Variants in CD81 observed in about 807,000 individuals in gnomAD.
The protein encoded by CD81 is CD81 molecule, also known as CD81 antigen.
Under a neutral mutation model 30.1 loss-of-function variants are expected in CD81, and 10 were observed. The observed-to-expected ratio is 0.33, with a 90% CI of 0.21 to 0.56. The LOEUF (loss-of-function observed/expected upper bound fraction) is 0.56, where lower values mean the gene tolerates loss of function less well. CD81 is among the 20% of genes least tolerant of loss of function. The pLI is 0.89. For synonymous variants in CD81, 147 were observed against 126.4 expected (o/e 1.16, Z -1.10); for missense variants, 263 against 308.7 (o/e 0.85, Z 1.11).
rs1314185286 is a variant in CD81, at chr11:2,378,611, G to A, written c.66+996G>A. 1.3e-5 allele frequency among the ~76,000 whole-genome samples: 2 copies of A among 152,202 alleles called. No homozygotes were observed. ...TTCCTGTCGGTGTTAGAATTGGGGA[G>A]GGGGTGGAAATCCCTTCTTGGCCTG... On this transcript the variant is annotated intron_variant, in intron 1 of 7. Coordinates refer to ENST00000263645, the MANE Select transcript of CD81 (RefSeq NM_004356.4). This position sits in a 1 kb window ranked among gnomAD's most constrained non-coding sequence, Gnocchi z 4.9.
chr11:2,393,736 C>T (rs1440534614), intron 2 of CD81: 23 of 601,496 alleles, frequency 3.8e-5, no homozygotes, highest in Admixed American at 3.1e-4. Flanking sequence ...CGGGTGAAGG[C>T]GGTGGGTGGC....
intron 1 of CD81, chr11:2,386,024 C>G: frequency 1.4e-6 from 1 of 716,674 alleles, no homozygotes; most frequent in East Asian, 2.7e-5. Flanking sequence ...CGTTTTACAG[C>G]CCCCGTTGTA....
intron 1 of CD81, among the ~76,000 whole-genome samples, chr11:2,381,010 C>T (rs1026693415): frequency 6.6e-6 from 1 of 152,240 alleles, no homozygotes; most frequent in Non-Finnish European, 1.5e-5. Flanking sequence ...TCATTTGGCA[C>T]GTCTTTCGCC....
In CD81 at chr11:2,395,923, A is replaced by C; in HGVS notation, c.514A>C (p.Asn172His). 5 of 1,612,580 alleles carry C rather than the reference A, an allele frequency of 3.1e-6. No individual in the cohort carries two copies. Among genetic ancestry groups the C allele is most frequent in the Non-Finnish European group, 3.4e-6 (4 of 1,179,830 alleles). ...LTALTTSVLK[N>H]NLCPSGSNII... The stretch of plus-strand genomic sequence containing the variant: ...TGCTTTGACCACCTCAGTGCTCAAG[A>C]ACAATTTGTGTCCCTCGGGCAGCAA... Residue 172 changes from asparagine to histidine, a missense_variant, in exon 6 of 8, where the codon AAC becomes CAC. By Grantham distance (68) the Asn-to-His change is moderately conservative. Coordinates refer to ENST00000263645, the MANE Select transcript of CD81 (RefSeq NM_004356.4).
At chr11:2,380,155 A>G (rs1268506647) in intron 1 of CD81, among the ~76,000 whole-genome samples, 1 of 152,128 alleles carries the variant, frequency 6.6e-6, no homozygotes, top group Non-Finnish European at 1.5e-5. Context: ...CCTCTGCCTC[A>G]GAGAGCCCAG....
chr11:2,393,621 G>T, intron 2 of CD81: 1 of 524,694 alleles, frequency 1.9e-6, no homozygotes, highest in Non-Finnish European at 3.4e-6. Flanking sequence ...ATTGGTTCCA[G>T]TTCCGGTTCC....
chr11:2,396,771 G>A, intron 7 of CD81, 33 bp from the exon 8 acceptor site: 7 of 1,612,252 alleles, frequency 4.3e-6, no homozygotes, highest in Non-Finnish European at 5.9e-6. Context: ...GCGGGGCCTT[G>A]TGCTGACTGC....
At chr11:2,380,413 A>T (rs773498296) in intron 1 of CD81, among the ~76,000 whole-genome samples, 12 of 152,002 alleles carry the variant, frequency 7.9e-5, no homozygotes, top group Non-Finnish European at 1.5e-4. Context: ...ACAGGCACTC[A>T]CACACACGAA....
In CD81 at chr11:2,397,283, A is replaced by G. The variant is rs891008045; in HGVS notation, c.*417A>G. 1 of 280,916 alleles carries G rather than the reference A, an allele frequency of 3.6e-6. No homozygotes were observed. The highest frequency in any genetic ancestry group is 6.9e-6 in the Non-Finnish European group (1 of 144,584). 17.4% of individuals were successfully genotyped at this position (280,916 alleles called of 1,614,324 possible). On this transcript the variant is annotated 3_prime_UTR_variant, in exon 8 of 8. Coordinates refer to ENST00000263645, the MANE Select transcript of CD81 (RefSeq NM_004356.4). The stretch of plus-strand genomic sequence containing the variant: ...CCCTCCTGCCCCGGTTCGAGAGCCG[A>G]GTCTGTGGGCACTCTCTGCCTTCAT...
At position 2,395,411 on chromosome 11, in the gene CD81, C is replaced by A. The variant is rs781456854; in HGVS notation, c.355-5C>A. 1 of 1,610,566 alleles carries A rather than the reference C, an allele frequency of 6.2e-7. No homozygotes were observed. Among genetic ancestry groups the A allele is most frequent in the Admixed American group, 1.7e-5 (1 of 60,016 alleles). ...CCTGTGCATGTGACCGCACCCCTCC[C>A]CCAGATCGCCAAGGATGTGAAGCAG... On this transcript the variant is annotated splice_polypyrimidine_tract_variant and splice_region_variant and intron_variant, in intron 4 of 7. Transcript: ENST00000263645.
chr11:2,376,247 C>T (rs924810155), upstream of CD81: 1 of 152,236 alleles, frequency 6.6e-6, no homozygotes, highest in Non-Finnish European at 1.5e-5. Flanking sequence ...AGGTACAGAA[C>T]ATTCCCATCG....
At chr11:2,382,275 G>A (rs1456007862) in intron 1 of CD81, among the ~76,000 whole-genome samples, 1 of 152,260 alleles carries the variant, frequency 6.6e-6, no homozygotes, top group African/African-American at 2.4e-5. Flanking sequence ...TGGCGGTAGG[G>A]CTGGGGGACC....
intron 1 of CD81, among the ~76,000 whole-genome samples, chr11:2,385,400 C>T (rs1333564060): frequency 6.6e-6 from 1 of 152,218 alleles, no homozygotes; most frequent in Non-Finnish European, 1.5e-5. Context: ...ACACAGCATG[C>T]ATTTCTTCAA....
rs180791415 is a variant in CD81 at position 2,380,456 on chromosome 11, C to T, written c.66+2841C>T. Among the ~76,000 whole-genome samples the T allele has an allele frequency of 4.9e-4, 75 of 152,278 alleles. No individual in the cohort carries two copies. In the Middle Eastern group the frequency reaches 0.014, roughly 28 times the overall value. On this transcript the variant is annotated intron_variant, in intron 1 of 7. Transcript: ENST00000263645. ...ACACACACACTCCCACCTTCACACA[C>T]ACTCACACTCTTGCTGTCTCCCTTC...
chr11:2,388,752 C>T (rs1849842327), intron 1 of CD81, among the ~76,000 whole-genome samples: 1 of 152,196 alleles, frequency 6.6e-6, no homozygotes, highest in South Asian at 2.1e-4. Flanking sequence ...GGTGCCTCCT[C>T]ACCTGGCTGA....
chr11:2,379,562 C>T (rs1233946793), intron 1 of CD81, among the ~76,000 whole-genome samples: 1 of 151,898 alleles, frequency 6.6e-6, no homozygotes, highest in South Asian at 2.1e-4. Context: ...GATTTTTGCT[C>T]TCTGGACGGT....
intron 5 of CD81, 94 bp from the exon 6 acceptor site, chr11:2,395,775 G>A (rs1018018589): frequency 5.7e-5 from 49 of 865,324 alleles, no homozygotes; most frequent in Admixed American, 3.7e-4. Flanking sequence ...AGTGGGGAGC[G>A]CTGCGTACCC....
rs1182016259 is a variant in CD81 at position 2,396,673 on chromosome 11, T to G, written c.607T>G (p.Tyr203Asp). The change falls in exon 7 of 8, where the codon TAC becomes GAC. Residue 203 changes from tyrosine (Y) to aspartate (D), a missense_variant. By Grantham distance (160) the Tyr-to-Asp change is radical. Around this residue, in one of 3 missense-constraint regions of CD81, gnomAD observed 176 missense variants for 192.9 expected, o/e 0.91. Transcript: ENST00000263645. Reference sequence around the variant, plus strand: ...CGATGACCTCTTCTCCGGGAAGCTGTACCTCATCGGCATTGCTGCCATCGT... The same window carrying G: ...CGATGACCTCTTCTCCGGGAAGCTGGACCTCATCGGCATTGCTGCCATCGT... ...KIDDLFSGKL[Y>D]LIGIAAIVVA... is the part of the protein sequence containing the mutation. 6.2e-7 allele frequency: 1 copy of G among 1,611,964 alleles called. No individual in the cohort carries two copies. Among genetic ancestry groups the G allele is most frequent in the Non-Finnish European group, 8.5e-7 (1 of 1,179,988 alleles).
chr11:2,385,586 C>CTGTTCACCCGTGCTGTGGCGTGCCTGTT, intron 1 of CD81: 1 of 240,906 alleles, frequency 4.2e-6, no homozygotes, highest in East Asian at 1.1e-4. Context: ...GCGTGCCCGT[C>CTGTTCACCCGTGCTGTGGCGTGCCTGTT]GTCTGTGTGG....
Sources: gnomAD v4.1 joint callset for allele counts (sites outside exome capture counted in the v4.1 genomes callset) on GRCh38, gnomAD v4.1.1 for gene constraint, gnomAD v4.1.1 regional missense constraint, Gnocchi (gnomAD v3.1) non-coding constraint, MANE v1.5 for transcripts, NCBI Gene and HGNC (gene_info 2026-07-23, HGNC 2026-07-21) for gene names.